LSM1: variants seen among roughly 807,000 people sequenced by gnomAD.
LSM1 encodes the protein LSM1 homolog, mRNA degradation associated.
In LSM1, 13 loss-of-function variants were observed where a neutral mutation model predicts 18.0. The observed-to-expected ratio is 0.72, with a 90% CI of 0.47 to 1.15. LSM1 has a LOEUF of 1.15. Among genes scored for constraint, LSM1 ranks in the 50% most tolerant of loss-of-function variants. The pLI, the probability that LSM1 is intolerant of heterozygous loss-of-function variation, is 0.00. For synonymous variants in LSM1, 46 were observed against 56.0 expected, an observed-to-expected ratio of 0.82 and a Z score of 0.80; for missense variants, 152 against 157.7, an observed-to-expected ratio of 0.96 and a Z score of 0.19.
At chr8:38,164,066 A>G (rs986119156) in intron 3 of LSM1, among the ~76,000 whole-genome samples, 1 of 152,108 alleles carries the variant, frequency 6.6e-6, no homozygotes, top group Non-Finnish European at 1.5e-5. Context: ...GTATATGTAT[A>G]TATTTTTCAA....
At chr8:38,175,471 TTAA>T (rs1803116861) in intron 1 of LSM1, among the ~76,000 whole-genome samples, 1 of 152,162 alleles carries the variant, frequency 6.6e-6, no homozygotes, top group African/African-American at 2.4e-5. Flanking sequence ...TTGAAACAAG[TTAA>T]TGAGAAAGAT....
chr8:38,174,414 A>C (rs541298263), intron 1 of LSM1, among the ~76,000 whole-genome samples: 1 of 152,296 alleles, frequency 6.6e-6, no homozygotes, highest in East Asian at 1.9e-4. Context: ...GAAAATACAG[A>C]AACACAAGGA....
rs66755601 is a variant in LSM1, at chr8:38,172,324, CTT to C, written c.47-293_47-292del. Among the ~76,000 whole-genome samples, 343 of 123,628 alleles carry C rather than the reference CTT, an allele frequency of 2.8e-3. 2 individuals carry two copies. Among genetic ancestry groups the C allele is most frequent in the African/African-American group, 9.4e-3 (303 of 32,248 alleles). The allele number at this position is 123,628 out of a possible 152,430, so 81.1% of individuals were successfully genotyped here. On this transcript the variant is annotated intron_variant, in intron 1 of 3. Coordinates refer to ENST00000311351, the MANE Select transcript of LSM1 (RefSeq NM_014462.3). ...GTTGGTTTTTTTTTTTTCCTTTTTTCTTTTTTTTTTTTTTTGAGACAGAGTCT... is the reference window on the plus strand; with the variant it reads ...GTTGGTTTTTTTTTTTTCCTTTTTTCTTTTTTTTTTTTTGAGACAGAGTCT...
intron 1 of LSM1, chr8:38,176,073 G>A (rs1159007541): frequency 2.3e-5 from 11 of 487,066 alleles, no homozygotes; most frequent in Non-Finnish European, 3.3e-5. Context: ...GAGGCTGCGA[G>A]GGGCAGAAGT....
At chr8:38,168,598 A>C in intron 3 of LSM1, among the ~76,000 whole-genome samples, 1 of 151,194 alleles carries the variant, frequency 6.6e-6, no homozygotes, top group East Asian at 1.9e-4. Context: ...TCCCAAAAAA[A>C]AAAAAAAACC....
chr8:38,172,441 C>T (rs1283417105), intron 1 of LSM1, among the ~76,000 whole-genome samples: 2 of 151,894 alleles, frequency 1.3e-5, no homozygotes, highest in Non-Finnish European at 2.9e-5. Context: ...CCTGCATCGG[C>T]CTCCTTAGTA....
At chr8:38,164,502 T>G (rs1802895611) in intron 3 of LSM1, among the ~76,000 whole-genome samples, 1 of 150,912 alleles carries the variant, frequency 6.6e-6, no homozygotes, top group Admixed American at 6.6e-5. Flanking sequence ...ATTGAGGCAA[T>G]GTGGCCTTAG....
rs918891842 is a variant in LSM1, at chr8:38,176,417, GC to G, written c.-98del. On this transcript the variant is annotated 5_prime_UTR_variant, in exon 1 of 4. Transcript: ENST00000311351. ...GCAGTCGCCGCCTCGGTGGGACCAA[GC>G]CCGGAATCCCGACCGAGACCAGCAC... 68 of 981,556 alleles carry G rather than the reference GC, an allele frequency of 6.9e-5. No homozygotes were observed. The highest frequency in any genetic ancestry group is 2.1e-4 in the Middle Eastern group (1 of 4,754). The allele number at this position is 981,556 out of a possible 1,614,324, so 60.8% of individuals were successfully genotyped here.
At position 38,163,504 on chromosome 8, in the gene LSM1, A is replaced by T. The variant is rs1458555360; in HGVS notation, c.*166T>A. 6 of 577,768 alleles carry T rather than the reference A, an allele frequency of 1.0e-5. No homozygotes were observed. Among genetic ancestry groups the T allele is most frequent in the Non-Finnish European group, 1.8e-5 (6 of 338,772 alleles). 35.8% of individuals were successfully genotyped at this position (577,768 alleles called of 1,614,324 possible). A position where few individuals can be genotyped will look rare whatever the true frequency, so the allele number is the denominator to read the frequency against. On this transcript the variant is annotated 3_prime_UTR_variant, in exon 4 of 4. Transcript: ENST00000311351. ...CAGTGATTTTGTTATTAAAAAAAAAACCCACCTACACGATTTCTTCATGTT... is the reference window on the plus strand; with the variant it reads ...CAGTGATTTTGTTATTAAAAAAAAATCCCACCTACACGATTTCTTCATGTT...
At chr8:38,169,171 T>TA (rs1005858238) in intron 3 of LSM1, among the ~76,000 whole-genome samples, 85 of 151,670 alleles carry the variant, frequency 5.6e-4, no homozygotes, top group African/African-American at 1.9e-3. Context: ...TAAGATACTT[T>TA]AAAAAAAAAT....
At chr8:38,172,324 CTTTT>C (rs66755601) in intron 1 of LSM1, among the ~76,000 whole-genome samples, 15 of 123,686 alleles carry the variant, frequency 1.2e-4, no homozygotes, top group Admixed American at 6.0e-4. Flanking sequence ...TTCCTTTTTT[CTTTT>C]TTTTTTTTTT....
intron 1 of LSM1, 101 bp from the exon 2 acceptor site, chr8:38,172,134 T>C: frequency 1.3e-6 from 1 of 794,038 alleles, no homozygotes; most frequent in East Asian, 2.5e-5. Flanking sequence ...CCTCGGCCAA[T>C]GCATTTAATG....
At chr8:38,170,316 C>T (rs568890695) in intron 2 of LSM1, among the ~76,000 whole-genome samples, 14 of 152,242 alleles carry the variant, frequency 9.2e-5, no homozygotes, top group Admixed American at 5.2e-4. Context: ...GGATTACAGG[C>T]GTGAGCCACA....
At chr8:38,176,172 C>T (rs907966936) in intron 1 of LSM1, 103 bp downstream of exon 1, 7 of 964,084 alleles carry the variant, frequency 7.3e-6, no homozygotes, top group African/African-American at 3.2e-5. Flanking sequence ...CAGAACACAC[C>T]GGCCCCGCCC....
intron 3 of LSM1, among the ~76,000 whole-genome samples, chr8:38,167,066 T>C (rs1802943503): frequency 6.6e-6 from 1 of 152,222 alleles, no homozygotes; most frequent in South Asian, 2.1e-4. Flanking sequence ...TTTCTCCTGA[T>C]TGCTGATTCA....
At chr8:38,164,452 C>T (rs1161781294) in intron 3 of LSM1, among the ~76,000 whole-genome samples, 1 of 151,260 alleles carries the variant, frequency 6.6e-6, no homozygotes, top group Non-Finnish European at 1.5e-5. Flanking sequence ...TGCTTATAGA[C>T]AGCTATCTCC....
At chr8:38,172,753 A>G (rs766830326) in intron 1 of LSM1, among the ~76,000 whole-genome samples, 1 of 152,162 alleles carries the variant, frequency 6.6e-6, no homozygotes, top group Non-Finnish European at 1.5e-5. Context: ...ATGAGCTTCT[A>G]TCTCACATTT....
At chr8:38,175,588 G>T (rs1040645403) in intron 1 of LSM1, among the ~76,000 whole-genome samples, 1 of 151,846 alleles carries the variant, frequency 6.6e-6, no homozygotes, top group African/African-American at 2.4e-5. Flanking sequence ...TTTCGCTTTT[G>T]TATAGGACTG....
chr8:38,169,361 T>G (rs1802987776), intron 3 of LSM1, among the ~76,000 whole-genome samples: 1 of 152,132 alleles, frequency 6.6e-6, no homozygotes, highest in Non-Finnish European at 1.5e-5. Flanking sequence ...AACTCCATTC[T>G]CGGGATAGGT....
Sources: gnomAD v4.1 joint callset for allele counts (sites outside exome capture counted in the v4.1 genomes callset) on GRCh38, gnomAD v4.1.1 for gene constraint, MANE v1.5 for transcripts, NCBI Gene and HGNC (gene_info 2026-07-23, HGNC 2026-07-21) for gene names.